NIBAN1: variants seen among roughly 807,000 people sequenced by gnomAD.
The protein encoded by NIBAN1 is protein Niban 1.
Under a neutral mutation model 75.1 loss-of-function variants are expected in NIBAN1, and 81 were observed. The ratio of observed to expected loss-of-function variants is 1.08; its 90% confidence interval spans 0.90 to 1.30. NIBAN1 has a LOEUF of 1.30. Among genes scored for constraint, NIBAN1 ranks in the 50% most tolerant of loss-of-function variants. The probability of loss-of-function intolerance (pLI) is 0.00; values close to 1 mark genes in which losing one functional copy is unlikely to be tolerated. For missense variants in NIBAN1, 1,133 were observed against 1,128.1 expected (o/e 1.00, Z -0.06); for synonymous variants, 436 against 424.8 (o/e 1.03, Z -0.32).
At chr1:184,802,318 C>T (rs780862271) in intron 12 of NIBAN1, among the ~76,000 whole-genome samples, 3 of 151,942 alleles carry the variant, frequency 2.0e-5, no homozygotes, top group South Asian at 2.1e-4. Flanking sequence ...AGAGGGGAGC[C>T]GATGAGAAGG....
intron 1 of NIBAN1, among the ~76,000 whole-genome samples, chr1:184,949,837 A>T (rs1008184362): frequency 1.3e-5 from 2 of 152,130 alleles, no homozygotes; most frequent in Non-Finnish European, 2.9e-5. Context: ...CTAATGGGGA[A>T]ATTGGGGATG....
chr1:184,965,123 C>A (rs988486913), intron 1 of NIBAN1, among the ~76,000 whole-genome samples: 2 of 152,112 alleles, frequency 1.3e-5, no homozygotes, highest in Non-Finnish European at 1.5e-5. Flanking sequence ...CACGGTGAAA[C>A]CCCGTCTCTA....
At chr1:184,904,423 A>C (rs1657037287) in intron 1 of NIBAN1, among the ~76,000 whole-genome samples, 1 of 152,174 alleles carries the variant, frequency 6.6e-6, no homozygotes, top group Non-Finnish European at 1.5e-5. Context: ...TGTCCATATA[A>C]CTTAGCTTCA....
At chr1:184,884,215 C>CTTTT (rs11334000) in intron 5 of NIBAN1, among the ~76,000 whole-genome samples, 2 of 66,802 alleles carry the variant, frequency 3.0e-5, no homozygotes, top group Non-Finnish European at 5.2e-5. Flanking sequence ...ATCTGTGGCT[C>CTTTT]TTTTTTTTTT....
At chr1:184,861,268 T>C (rs1327954618) in intron 5 of NIBAN1, among the ~76,000 whole-genome samples, 1 of 152,268 alleles carries the variant, frequency 6.6e-6, no homozygotes, top group Non-Finnish European at 1.5e-5. Flanking sequence ...CACAGATTCC[T>C]TTCCTTGAAC....
At chr1:184,918,905 C>G (rs113505735) in intron 1 of NIBAN1, among the ~76,000 whole-genome samples, 1,808 of 152,298 alleles carry the variant, frequency 0.012, 19 homozygotes, top group African/African-American at 0.02. Context: ...CCTGTCCACC[C>G]TCCCAACATC....
chr1:184,834,976 G>A (rs563440966), intron 5 of NIBAN1, among the ~76,000 whole-genome samples: 1 of 152,260 alleles, frequency 6.6e-6, no homozygotes, highest in Non-Finnish European at 1.5e-5. Context: ...ATGGTTTTAG[G>A]TCAAACATTT....
chr1:184,853,067 G>A (rs778356292), intron 5 of NIBAN1, among the ~76,000 whole-genome samples: 4 of 152,018 alleles, frequency 2.6e-5, no homozygotes, highest in Non-Finnish European at 4.4e-5. Context: ...CCATTTCATG[G>A]TCAATGAAAA....
chr1:184,859,029 T>C (rs946762921), intron 5 of NIBAN1, among the ~76,000 whole-genome samples: 1 of 151,886 alleles, frequency 6.6e-6, no homozygotes, highest in Non-Finnish European at 1.5e-5. Context: ...TATGGAAAGA[T>C]ACATACAGGA....
rs889472843 is a variant in NIBAN1, at chr1:184,828,610, C to T, written c.717+3237G>A. Among the ~76,000 whole-genome samples, 4 of 152,276 alleles carry T rather than the reference C, an allele frequency of 2.6e-5. No individual in the cohort carries two copies. The South Asian group carries it at 8.3e-4, about 32-fold the overall frequency. On this transcript the variant is annotated intron_variant, in intron 6 of 13. Transcript: ENST00000367511. ...ACACAGTAAGCTTTAGAGGCCATTTCCTTTTACCAGCTTCTCCAAGCCGGT... is the reference window on the plus strand; with the variant it reads ...ACACAGTAAGCTTTAGAGGCCATTTTCTTTTACCAGCTTCTCCAAGCCGGT...
intron 12 of NIBAN1, among the ~76,000 whole-genome samples, chr1:184,801,722 G>A (rs1044629750): frequency 2.0e-5 from 3 of 152,208 alleles, no homozygotes; most frequent in Non-Finnish European, 4.4e-5. Flanking sequence ...GGACTTCAGG[G>A]ATGCTGGGCT....
intron 1 of NIBAN1, among the ~76,000 whole-genome samples, chr1:184,910,010 G>A (rs918752986): frequency 1.3e-5 from 2 of 152,250 alleles, no homozygotes; most frequent in South Asian, 4.1e-4. Context: ...TATTGACTAT[G>A]TAGATAGTAC....
intron 6 of NIBAN1, among the ~76,000 whole-genome samples, chr1:184,823,997 T>C (rs925495536): frequency 6.6e-6 from 1 of 152,130 alleles, no homozygotes; most frequent in African/African-American, 2.4e-5. Context: ...CCAATGTAAA[T>C]AACAAATTCC....
chr1:184,800,284 G>A (rs1286058165), intron 12 of NIBAN1, among the ~76,000 whole-genome samples: 6 of 149,562 alleles, frequency 4.0e-5, no homozygotes, highest in Non-Finnish European at 9.0e-5. Flanking sequence ...CAGATGAGTA[G>A]GTTGTGAAAA....
intron 1 of NIBAN1, among the ~76,000 whole-genome samples, chr1:184,929,889 C>T (rs893028086): frequency 2.6e-5 from 4 of 152,196 alleles, no homozygotes; most frequent in Admixed American, 2.6e-4. Context: ...CACATTTCAT[C>T]ATCTAACCAA....
chr1:184,796,756 A>G (rs1468713904), intron 13 of NIBAN1, among the ~76,000 whole-genome samples: 2 of 152,222 alleles, frequency 1.3e-5, no homozygotes, highest in Non-Finnish European at 2.9e-5. Context: ...CATTCATATC[A>G]AAGACAGAAC....
intron 6 of NIBAN1, among the ~76,000 whole-genome samples, chr1:184,824,811 G>C (rs1319594121): frequency 3.3e-5 from 5 of 152,136 alleles, no homozygotes; most frequent in Non-Finnish European, 2.9e-5. Flanking sequence ...GTCACTAATA[G>C]AATGTCTCCG....
In NIBAN1 at chr1:184,974,360, C is replaced by G. The variant is rs768035957; in HGVS notation, c.-4G>C. 2 of 1,556,174 alleles carry G rather than the reference C, an allele frequency of 1.3e-6. No individual in the cohort carries two copies. The highest frequency in any genetic ancestry group is 2.3e-5 in the South Asian group (2 of 85,138). On this transcript the variant is annotated 5_prime_UTR_variant, in exon 1 of 14. Coordinates refer to ENST00000367511, the MANE Select transcript of NIBAN1 (RefSeq NM_052966.4). Reference sequence around the variant, plus strand: ...GGCTGGAGGCTGAGCCGCCCATGACCGCGAGCTGCCTGTGCTGAGCGCGGA... The same window carrying G: ...GGCTGGAGGCTGAGCCGCCCATGACGGCGAGCTGCCTGTGCTGAGCGCGGA...
Position 184,795,222 on chromosome 1 carries a change from AAC to A in NIBAN1, c.2540_2541del (p.Gly847ValfsTer2). 1 of 1,614,046 alleles carries A rather than the reference AAC, an allele frequency of 6.2e-7. No homozygotes were observed. The highest frequency in any genetic ancestry group is 8.5e-7 in the Non-Finnish European group (1 of 1,180,036). Reference protein sequence around the residue: ...DASQQEGCTLGSDPICLSESQ... With the variant: ...DASQQEGCTLXSDPICLSESQ... Reference sequence around the variant, plus strand: ...CTCTCACTGAGGCAGATGGGGTCAGAACCTAAGGTGCAGCCCTCTTGCTGTGA... The same window carrying A: ...CTCTCACTGAGGCAGATGGGGTCAGACTAAGGTGCAGCCCTCTTGCTGTGA... On this transcript the variant is annotated frameshift_variant, in exon 14 of 14. Transcript: ENST00000367511. LOFTEE classifies it low-confidence loss of function (END_TRUNC).
Sources: gnomAD v4.1 joint callset for allele counts (sites outside exome capture counted in the v4.1 genomes callset) on GRCh38, gnomAD v4.1.1 for gene constraint, MANE v1.5 for transcripts, NCBI Gene and HGNC (gene_info 2026-07-23, HGNC 2026-07-21) for gene names.